The following HCLS1 variants were observed in gnomAD, a reference collection of about 807,000 sequenced individuals.
HCLS1 encodes the protein hematopoietic cell-specific Lyn substrate 1.
Under a neutral mutation model 68.6 loss-of-function variants are expected in HCLS1, and 44 were observed. The observed-to-expected ratio is 0.64, with a 90% CI of 0.50 to 0.82. HCLS1 has a LOEUF of 0.82. Ranked by LOEUF, HCLS1 falls within the 40% of genes least tolerant of loss-of-function variation. The pLI is 0.00. For missense variants in HCLS1, 602 were observed against 612.1 expected, an observed-to-expected ratio of 0.98 and a Z score of 0.17; for synonymous variants, 217 against 225.8, an observed-to-expected ratio of 0.96 and a Z score of 0.35.
At chr3:121,635,707 G>C (rs767951175) in intron 9 of HCLS1, 28 bp downstream of exon 9, 6 of 1,554,378 alleles carry the variant, frequency 3.9e-6, no homozygotes, top group Non-Finnish European at 1.8e-6. Context: ...GAAGTGAGGT[G>C]CATGGAGAGT....
chr3:121,640,323 G>A (rs1360966363), intron 6 of HCLS1, among the ~76,000 whole-genome samples: 1 of 152,078 alleles, frequency 6.6e-6, no homozygotes, highest in African/African-American at 2.4e-5. Context: ...TATTTCCCTG[G>A]ATGAGGTACT....
intron 4 of HCLS1, among the ~76,000 whole-genome samples, 180 bp from the exon 5 acceptor site, chr3:121,645,108 G>A (rs749077930): frequency 6.6e-6 from 1 of 152,176 alleles, no homozygotes; most frequent in Non-Finnish European, 1.5e-5. Flanking sequence ...CTGGAGACCT[G>A]CTCATCCCTG....
chr3:121,636,946 A>G (rs1463459297), intron 7 of HCLS1, among the ~76,000 whole-genome samples, 200 bp downstream of exon 7: 1 of 151,314 alleles, frequency 6.6e-6, no homozygotes, highest in Non-Finnish European at 1.5e-5. Context: ...CCCTGCTCTT[A>G]ATCCTTCTGT....
At position 121,632,438 on chromosome 3, in the gene HCLS1, A is replaced by G. The variant is rs2049107221; in HGVS notation, c.1134T>C (p.Tyr378=). Residue 378 remains tyrosine (Y), a synonymous_variant, in exon 12 of 14, where the codon TAT becomes TAC. Coordinates refer to ENST00000314583, the MANE Select transcript of HCLS1 (RefSeq NM_005335.6). ...GCCTGTCCATCTCCTCAACGTCCTC[A>G]TAGTCATTCTCAGGCTCGGGCTCAG... is the stretch of plus-strand genomic sequence containing the variant. ...PEPEPEPEND[Y]EDVEEMDRHE... 6 of 1,613,710 alleles carry G rather than the reference A, an allele frequency of 3.7e-6. No homozygotes were observed. The South Asian group carries it at 5.5e-5, about 15-fold the overall frequency.
At chr3:121,655,833 TTTA>T (rs1386484314) in intron 3 of HCLS1, among the ~76,000 whole-genome samples, 1 of 148,222 alleles carries the variant, frequency 6.7e-6, no homozygotes, top group African/African-American at 2.5e-5. Flanking sequence ...CATTTATTTA[TTTA>T]TTTATTTATT....
rs1398150371 is a variant in HCLS1, at chr3:121,637,272, C to A, written c.455-16G>T. The A allele has an allele frequency of 3.2e-6, 5 of 1,575,000 alleles. No individual in the cohort carries two copies. Among genetic ancestry groups the A allele is most frequent in the Admixed American group, 1.7e-5 (1 of 59,956 alleles). On this transcript the variant is annotated splice_polypyrimidine_tract_variant and intron_variant, in intron 6 of 13. Coordinates refer to ENST00000314583, the MANE Select transcript of HCLS1 (RefSeq NM_005335.6). The stretch of plus-strand genomic sequence containing the variant: ...CGAGAGTAATCTGTGGTCGAAGGAG[C>A]AGTCATGAGAGCCCACCCTTAGGCT...
At chr3:121,655,521 C>T (rs375463846) in intron 3 of HCLS1, 7 of 112,168 alleles carry the variant, frequency 6.2e-5, no homozygotes, top group African/African-American at 1.7e-4. Context: ...GTCGTCATGG[C>T]GGAGTGTTGG....
At chr3:121,637,294 G>A in intron 6 of HCLS1, 38 bp from the exon 7 acceptor site, 1 of 1,394,082 alleles carries the variant, frequency 7.2e-7, no homozygotes, top group South Asian at 1.2e-5. Flanking sequence ...CCCACCCTTA[G>A]GCTCCAGCAC....
chr3:121,660,045 T>C (rs1321382671), intron 1 of HCLS1, among the ~76,000 whole-genome samples: 1 of 152,222 alleles, frequency 6.6e-6, no homozygotes, highest in Non-Finnish European at 1.5e-5. Flanking sequence ...CTTGTTGCGA[T>C]GCTGACCTCC....
At chr3:121,651,518 C>T (rs1487461969) in intron 3 of HCLS1, among the ~76,000 whole-genome samples, 3 of 152,122 alleles carry the variant, frequency 2.0e-5, no homozygotes, top group Non-Finnish European at 4.4e-5. Context: ...CTCACTGCAG[C>T]CTCAACCCCC....
chr3:121,658,740 T>C (rs998900112), intron 1 of HCLS1, among the ~76,000 whole-genome samples: 1 of 152,246 alleles, frequency 6.6e-6, no homozygotes, highest in African/African-American at 2.4e-5. Context: ...TATGGCCTTA[T>C]TTCACTCAGG....
chr3:121,640,230 C>T (rs926725785), intron 6 of HCLS1, among the ~76,000 whole-genome samples: 10 of 152,110 alleles, frequency 6.6e-5, no homozygotes, highest in Admixed American at 2.0e-4. Flanking sequence ...AAGACTTGAA[C>T]TCCATGGGAA....
At chr3:121,639,256 T>C (rs1336879102) in intron 6 of HCLS1, among the ~76,000 whole-genome samples, 1 of 152,184 alleles carries the variant, frequency 6.6e-6, no homozygotes, top group Non-Finnish European at 1.5e-5. Context: ...CTACAGAATA[T>C]ACTTTTTTCA....
intron 4 of HCLS1, among the ~76,000 whole-genome samples, chr3:121,646,067 A>T (rs1248498503): frequency 1.6e-5 from 2 of 125,188 alleles, no homozygotes; most frequent in East Asian, 4.5e-4. Context: ...TATATTAATT[A>T]TATACTTGTA....
intron 3 of HCLS1, 72 bp from the exon 4 acceptor site, chr3:121,647,520 G>A (rs1937640119): frequency 6.5e-7 from 1 of 1,535,398 alleles, no homozygotes; most frequent in Admixed American, 1.7e-5. Context: ...CAGAAAAATG[G>A]AAGCCTTGAA....
intron 3 of HCLS1, among the ~76,000 whole-genome samples, chr3:121,652,275 T>C (rs1263517966): frequency 1.3e-5 from 2 of 152,202 alleles, no homozygotes; most frequent in African/African-American, 4.8e-5. Context: ...ATATATTCTA[T>C]ATCTTGATTG....
At chr3:121,636,361 T>C (rs765406330) in intron 8 of HCLS1, 73 bp downstream of exon 8, 238 of 1,283,870 alleles carry the variant, frequency 1.9e-4, no homozygotes, top group Non-Finnish European at 2.5e-4. Flanking sequence ...CCCAGCCTTC[T>C]TCACGCTCTT....
intron 6 of HCLS1, among the ~76,000 whole-genome samples, chr3:121,641,135 A>G (rs576491700): frequency 2.2e-4 from 34 of 152,290 alleles, no homozygotes; most frequent in Non-Finnish European, 4.4e-4. Flanking sequence ...GGATAATAAA[A>G]GTAGATCTAA....
intron 6 of HCLS1, among the ~76,000 whole-genome samples, chr3:121,641,097 G>A (rs1342235990): frequency 6.6e-6 from 1 of 152,024 alleles, no homozygotes; most frequent in Non-Finnish European, 1.5e-5. Flanking sequence ...CACATCTGAG[G>A]TTGAAAAAGG....
Sources: gnomAD v4.1 joint callset for allele counts (sites outside exome capture counted in the v4.1 genomes callset) on GRCh38, gnomAD v4.1.1 for gene constraint, MANE v1.5 for transcripts, NCBI Gene and HGNC (gene_info 2026-07-23, HGNC 2026-07-21) for gene names.